The following LIN28B variants were observed in gnomAD, a reference collection of about 807,000 sequenced individuals.
LIN28B encodes the protein protein lin-28 homolog B.
In LIN28B, 5 loss-of-function variants were observed where a neutral mutation model predicts 21.9. That is an observed-to-expected ratio of 0.23 (90% CI 0.12 to 0.48). The LOEUF (loss-of-function observed/expected upper bound fraction) is 0.48, where lower values mean the gene tolerates loss of function less well. Among genes scored for constraint, LIN28B ranks in the 20% least tolerant of loss-of-function variants. The pLI is 0.98. For missense variants in LIN28B, 245 were observed against 310.5 expected (o/e 0.79, Z 1.58); for synonymous variants, 109 against 111.3 (o/e 0.98, Z 0.13).
intron 2 of LIN28B, among the ~76,000 whole-genome samples, chr6:105,025,258 A>G (rs1014461792): frequency 6.6e-6 from 1 of 152,170 alleles, no homozygotes; most frequent in African/African-American, 2.4e-5. Context: ...AAACTACATG[A>G]TATTCTAAAT....
intron 2 of LIN28B, among the ~76,000 whole-genome samples, chr6:104,941,774 A>G (rs1778097970): frequency 1.3e-5 from 2 of 152,228 alleles, no homozygotes; most frequent in Admixed American, 1.3e-4. Flanking sequence ...AGAGGAAATG[A>G]TACGTTTGCA....
In LIN28B at chr6:104,938,050, C is replaced by CAAAAAAAA. The variant is rs10562331; in HGVS notation, c.18+955_18+962dup. ...GCAACAGAGCAAGAACCTGTCTCTACAAAAAAAAAAAAAAAAAAAAAAAAA... is the reference window on the plus strand; with the variant it reads ...GCAACAGAGCAAGAACCTGTCTCTACAAAAAAAAAAAAAAAAAAAAAAAAAAAAAAAAA... On this transcript the variant is annotated intron_variant, in intron 2 of 5. Transcript: ENST00000635857. Among the ~76,000 whole-genome samples, 105 of 73,708 alleles carry CAAAAAAAA rather than the reference C, an allele frequency of 1.4e-3. 3 individuals are homozygous for CAAAAAAAA. The highest frequency in any genetic ancestry group is 6.1e-3 in the African/African-American group (100 of 16,288). The allele number at this position is 73,708 out of a possible 152,430, so 48.4% of individuals were successfully genotyped here.
chr6:105,080,629 T>C lies in LIN28B; in HGVS notation c.*1846T>C, dbSNP rs536616446. ...ACCTTTGACGATATTGAATGTGATA[T>C]AGCTGTAGAGAAGTACTTCCTTGCC... On this transcript the variant is annotated 3_prime_UTR_variant, in exon 4 of 4. Coordinates refer to ENST00000345080, the MANE Select transcript of LIN28B (RefSeq NM_001004317.4). 1 of 152,780 alleles carries C rather than the reference T, an allele frequency of 6.5e-6. No individual in the cohort carries two copies. The highest frequency in any genetic ancestry group is 2.1e-4 in the South Asian group (1 of 4,828). 9.5% of individuals were successfully genotyped at this position (152,780 alleles called of 1,614,324 possible). A position where few individuals can be genotyped will look rare whatever the true frequency, so the allele number is the denominator to read the frequency against.
chr6:104,994,226 G>T (rs914675864), intron 2 of LIN28B, among the ~76,000 whole-genome samples: 4 of 151,966 alleles, frequency 2.6e-5, no homozygotes, highest in African/African-American at 9.7e-5. Context: ...GGTTGGTCTC[G>T]ATCTCCTGAC....
At chr6:104,957,855 T>C (rs1478042909) in intron 1 of LIN28B, among the ~76,000 whole-genome samples, 3 of 152,126 alleles carry the variant, frequency 2.0e-5, no homozygotes, top group Non-Finnish European at 4.4e-5. Context: ...AGTACACGTA[T>C]GTATAGAAAC....
chr6:105,035,613 C>A (rs1450676519), intron 3 of LIN28B, among the ~76,000 whole-genome samples: 1 of 152,122 alleles, frequency 6.6e-6, no homozygotes, highest in Non-Finnish European at 1.5e-5. Context: ...ATGGTTATAA[C>A]AAGCTAATTT....
chr6:104,937,735 CTG>C (rs1422185767), intron 2 of LIN28B, among the ~76,000 whole-genome samples: 23 of 152,062 alleles, frequency 1.5e-4, no homozygotes, highest in Non-Finnish European at 3.4e-4. Flanking sequence ...ATATGAAACA[CTG>C]TATTTTATGT....
intron 2 of LIN28B, among the ~76,000 whole-genome samples, chr6:104,947,616 T>TA (rs1326928610): frequency 6.6e-6 from 1 of 151,952 alleles, no homozygotes; most frequent in Non-Finnish European, 1.5e-5. Context: ...GGCACTCCTA[T>TA]AGCAGTAAAT....
intron 2 of LIN28B, among the ~76,000 whole-genome samples, chr6:104,944,057 A>T (rs1418613790): frequency 6.6e-6 from 1 of 152,184 alleles, no homozygotes; most frequent in African/African-American, 2.4e-5. Context: ...AAAACTGTAC[A>T]GTACACAGAA....
chr6:105,053,373 A>G (rs891192611), intron 3 of LIN28B, among the ~76,000 whole-genome samples: 2 of 141,636 alleles, frequency 1.4e-5, no homozygotes, highest in South Asian at 2.3e-4. Context: ...GCCCAAATCT[A>G]TGTCTTATGG....
In LIN28B at chr6:104,988,955, A is replaced by C. The variant is rs369361537; in HGVS notation, c.198+30669A>C. Among the ~76,000 whole-genome samples, 34 of 152,190 alleles carry C rather than the reference A, an allele frequency of 2.2e-4. No individual in the cohort carries two copies. In the East Asian group the frequency reaches 6.0e-3, roughly 27 times the overall value. On this transcript the variant is annotated intron_variant, in intron 2 of 3. Transcript: ENST00000345080. Reference sequence around the variant, plus strand: ...TCAGGGAATTTGTGTATTTCATATAAATTTTCAAGGCTGTCACCATTAAAG... The same window carrying C: ...TCAGGGAATTTGTGTATTTCATATACATTTTCAAGGCTGTCACCATTAAAG...
At chr6:104,944,886 T>C (rs1003771026) in intron 2 of LIN28B, among the ~76,000 whole-genome samples, 1 of 152,086 alleles carries the variant, frequency 6.6e-6, no homozygotes, top group Non-Finnish European at 1.5e-5. Context: ...TCTAGTTTTT[T>C]CTTAGCGGAA....
chr6:104,997,550 C>A (rs548111991), intron 2 of LIN28B, among the ~76,000 whole-genome samples: 6 of 151,704 alleles, frequency 4.0e-5, no homozygotes, highest in African/African-American at 9.7e-5. Context: ...CCCGCCCCCC[C>A]CCGCCACACA....
At chr6:104,960,193 CTAGT>C (rs775698304) in intron 2 of LIN28B, among the ~76,000 whole-genome samples, 29 of 151,868 alleles carry the variant, frequency 1.9e-4, no homozygotes, top group African/African-American at 5.3e-4. Context: ...TAAATGATGC[CTAGT>C]TAAAGAGGTT....
intron 2 of LIN28B, among the ~76,000 whole-genome samples, chr6:104,938,181 G>A (rs1267320487): frequency 2.0e-5 from 3 of 151,912 alleles, no homozygotes; most frequent in African/African-American, 7.3e-5. Context: ...GGAGGTCGAA[G>A]CTGCAGTAGC....
chr6:104,982,280 C>T (rs1770240919), intron 2 of LIN28B, among the ~76,000 whole-genome samples: 1 of 150,070 alleles, frequency 6.7e-6, no homozygotes, highest in African/African-American at 2.5e-5. Context: ...CGCCATTGCA[C>T]TCCAGCTTGG....
intron 2 of LIN28B, among the ~76,000 whole-genome samples, chr6:104,992,787 G>T (rs1446594221): frequency 1.3e-5 from 2 of 152,092 alleles, no homozygotes; most frequent in Non-Finnish European, 2.9e-5. Context: ...TGAGATTATA[G>T]GCATGAGCCA....
At chr6:104,980,121 A>G (rs1770188992) in intron 2 of LIN28B, among the ~76,000 whole-genome samples, 1 of 152,180 alleles carries the variant, frequency 6.6e-6, no homozygotes, top group Non-Finnish European at 1.5e-5. Context: ...TCTGTTAACT[A>G]TACTTAGAGA....
chr6:104,962,069 A>G (rs905211284), intron 2 of LIN28B, among the ~76,000 whole-genome samples: 2 of 152,100 alleles, frequency 1.3e-5, no homozygotes, highest in Admixed American at 1.3e-4. Context: ...GATCATTTGA[A>G]TTTGATTTTG....
Sources: allele counts gnomAD v4.1 joint callset (sites outside exome capture counted in the v4.1 genomes callset), GRCh38; gene constraint gnomAD v4.1.1; transcripts MANE v1.5; gene names NCBI Gene and HGNC (gene_info 2026-07-23, HGNC 2026-07-21).